The following TTC28 variants were observed in gnomAD, a reference collection of about 807,000 sequenced individuals.
TTC28 encodes tetratricopeptide repeat domain 28, also known as tetratricopeptide repeat protein 28.
TTC28 carries 61 observed loss-of-function variants against 198.0 expected under a neutral mutation model. The observed-to-expected ratio is 0.31, with a 90% CI of 0.25 to 0.38. The LOEUF (loss-of-function observed/expected upper bound fraction) is 0.38. TTC28 is among the 10% of genes least tolerant of loss of function. The pLI, the probability that TTC28 is intolerant of heterozygous loss-of-function variation, is 1.00. For missense variants in TTC28, 2,678 were observed against 3,164.0 expected (o/e 0.85, Z 3.69); for synonymous variants, 1,171 against 1,297.8 (o/e 0.90, Z 2.10).
intron 12 of TTC28, among the ~76,000 whole-genome samples, chr22:28,045,050 C>A (rs138595288): frequency 6.6e-6 from 1 of 152,260 alleles, no homozygotes; most frequent in African/African-American, 2.4e-5. Context: ...TTTTTGAAAT[C>A]TTTGCCGAGA....
At chr22:28,593,997 T>C (rs1022489245) in intron 2 of TTC28, among the ~76,000 whole-genome samples, 12 of 152,216 alleles carry the variant, frequency 7.9e-5, no homozygotes, top group Admixed American at 3.9e-4. Flanking sequence ...AATTGTTTTA[T>C]TAATTCACTG....
At chr22:28,600,380 G>A (rs145851638) in intron 2 of TTC28, among the ~76,000 whole-genome samples, 45 of 152,184 alleles carry the variant, frequency 3.0e-4, no homozygotes, top group Admixed American at 2.0e-3. Context: ...ACTCTAGCCC[G>A]GGCAACAAAG....
chr22:28,268,278 G>A (rs1931816964), intron 5 of TTC28, among the ~76,000 whole-genome samples: 1 of 152,196 alleles, frequency 6.6e-6, no homozygotes, highest in Non-Finnish European at 1.5e-5. Context: ...GAAGAATATT[G>A]CAGAGAAATG....
chr22:28,452,233 CA>C (rs1385259003), intron 2 of TTC28, among the ~76,000 whole-genome samples: 1 of 151,148 alleles, frequency 6.6e-6, no homozygotes, highest in Non-Finnish European at 1.5e-5. Context: ...ACTAAAAATA[CA>C]AAAAAATTAG....
intron 2 of TTC28, among the ~76,000 whole-genome samples, chr22:28,594,309 T>C (rs2050497888): frequency 6.7e-6 from 1 of 149,712 alleles, no homozygotes; most frequent in Non-Finnish European, 1.5e-5. Flanking sequence ...TATTTATTAA[T>C]AGCAAGTAAT....
chr22:28,515,209 G>A (rs2048761415), intron 2 of TTC28, among the ~76,000 whole-genome samples: 1 of 151,988 alleles, frequency 6.6e-6, no homozygotes, highest in African/African-American at 2.4e-5. Flanking sequence ...TTTCAATAAT[G>A]TTGTTTTTTC....
At chr22:28,338,905 C>T (rs1490372989) in intron 2 of TTC28, among the ~76,000 whole-genome samples, 2 of 152,126 alleles carry the variant, frequency 1.3e-5, no homozygotes, top group East Asian at 1.9e-4. Context: ...AGCTTTGTTC[C>T]GTTCCTGGTA....
At chr22:28,341,483 C>T (rs1179826590) in intron 2 of TTC28, among the ~76,000 whole-genome samples, 1 of 152,006 alleles carries the variant, frequency 6.6e-6, no homozygotes, top group Non-Finnish European at 1.5e-5. Context: ...GAGATCTCAT[C>T]TTAACAAAAA....
intron 5 of TTC28, among the ~76,000 whole-genome samples, chr22:28,265,129 G>T (rs1931598013): frequency 1.3e-5 from 2 of 152,082 alleles, no homozygotes; most frequent in African/African-American, 4.8e-5. Context: ...ATACATTTAT[G>T]AATCCTGTGC....
intron 2 of TTC28, among the ~76,000 whole-genome samples, chr22:28,462,686 G>C (rs556639905): frequency 2.0e-5 from 3 of 152,250 alleles, no homozygotes; most frequent in Non-Finnish European, 2.9e-5. Context: ...AAGAAAATTA[G>C]TAATAAAAAT....
At chr22:28,441,963 G>C (rs1285055778) in intron 2 of TTC28, among the ~76,000 whole-genome samples, 5 of 151,116 alleles carry the variant, frequency 3.3e-5, no homozygotes, top group African/African-American at 1.2e-4. Flanking sequence ...AGTCAGACAA[G>C]TTGGCAAAAA....
In TTC28 at chr22:28,482,699, T is replaced by C. The variant is rs923141543; in HGVS notation, c.381+146853A>G. ...AAACACTTCCATCCATAAAGTAAAA[T>C]CCCATACTCATTAAGCAGCTTCTTC... On this transcript the variant is annotated intron_variant, in intron 2 of 22. Coordinates refer to ENST00000397906, the MANE Select transcript of TTC28 (RefSeq NM_001145418.2). Among the ~76,000 whole-genome samples, 9 of 152,064 alleles carry C rather than the reference T, an allele frequency of 5.9e-5. No individual in the cohort carries two copies. The East Asian group carries it at 1.5e-3, about 26-fold the overall frequency.
chr22:28,270,826 G>A lies in TTC28; in HGVS notation c.933+25372C>T, dbSNP rs368674874. On this transcript the variant is annotated intron_variant, in intron 5 of 22. Transcript: ENST00000397906. ...AGGTAGGAGGACTTCTTGGGCCCAG[G>A]AGTTTGAGACCAGCCTGGGCAACAT... is the stretch of plus-strand genomic sequence containing the variant. 1.1e-3 allele frequency among the ~76,000 whole-genome samples: 163 copies of A among 152,076 alleles called. 1 individual carries two copies. The highest frequency in any genetic ancestry group is 3.9e-3 in the African/African-American group (160 of 41,498).
intron 5 of TTC28, among the ~76,000 whole-genome samples, chr22:28,279,545 TATTTTTAG>T (rs1186550218): frequency 1.3e-5 from 2 of 152,194 alleles, no homozygotes; most frequent in African/African-American, 4.8e-5. Flanking sequence ...TAAGTTTTTG[TATTTTTAG>T]TAGAGACAGG....
chr22:28,603,142 G>C (rs915014119), intron 2 of TTC28, among the ~76,000 whole-genome samples: 8 of 152,060 alleles, frequency 5.3e-5, no homozygotes, highest in Admixed American at 2.6e-4. Flanking sequence ...GCTTCCCAAA[G>C]TGCTGGGATT....
chr22:28,506,751 C>T (rs971534825), intron 2 of TTC28, among the ~76,000 whole-genome samples: 1 of 152,190 alleles, frequency 6.6e-6, no homozygotes. Context: ...ACTGGTGATA[C>T]CTCCAGGCAT....
chr22:28,506,114 G>A (rs891715241), intron 2 of TTC28, among the ~76,000 whole-genome samples: 1 of 152,116 alleles, frequency 6.6e-6, no homozygotes, highest in Non-Finnish European at 1.5e-5. Flanking sequence ...AGCCACTCCA[G>A]CCAGGGTTCT....
intron 5 of TTC28, among the ~76,000 whole-genome samples, chr22:28,186,453 G>A (rs892467798): frequency 1.3e-5 from 2 of 152,136 alleles, no homozygotes; most frequent in African/African-American, 4.8e-5. Flanking sequence ...TTAACAGGAT[G>A]GGCTATGCTT....
At chr22:28,274,182 G>A (rs1176398629) in intron 5 of TTC28, among the ~76,000 whole-genome samples, 2 of 152,196 alleles carry the variant, frequency 1.3e-5, no homozygotes, top group Non-Finnish European at 2.9e-5. Flanking sequence ...AAACGCTAAT[G>A]AGTTACTGGT....
Sources: gnomAD v4.1 joint callset for allele counts (sites outside exome capture counted in the v4.1 genomes callset) on GRCh38, gnomAD v4.1.1 for gene constraint, MANE v1.5 for transcripts, NCBI Gene and HGNC (gene_info 2026-07-23, HGNC 2026-07-21) for gene names.